HERC1: variants seen among roughly 807,000 people sequenced by gnomAD.
HERC1 encodes probable E3 ubiquitin-protein ligase HERC1.
In HERC1, 160 loss-of-function variants were observed where a neutral mutation model predicts 554.3. The observed-to-expected ratio is 0.29, with a 90% CI of 0.25 to 0.33. The LOEUF (loss-of-function observed/expected upper bound fraction) is 0.33, where lower values mean the gene tolerates loss of function less well. Ranked by LOEUF, HERC1 falls within the 10% of genes least tolerant of loss-of-function variation. HERC1 has a pLI of 1.00. For missense variants in HERC1, 4,919 were observed against 5,918.5 expected (o/e 0.83, Z 5.54); for synonymous variants, 2,175 against 2,131.7 (o/e 1.02, Z -0.56).
At chr15:63,609,871 G>A (rs796512426) in intron 77 of HERC1, among the ~76,000 whole-genome samples, 62 of 152,266 alleles carry the variant, frequency 4.1e-4, no homozygotes, top group African/African-American at 1.4e-3. Context: ...TGATAATTAT[G>A]ATGACTGGCA....
intron 42 of HERC1, 58 bp downstream of exon 42, chr15:63,665,861 A>G (rs2152948107): frequency 1.6e-6 from 2 of 1,273,958 alleles, no homozygotes; most frequent in Non-Finnish European, 2.2e-6. Context: ...GATATATAAT[A>G]AATGGGGCTT....
At chr15:63,739,194 A>ATATAT (rs1567071803) in intron 12 of HERC1, among the ~76,000 whole-genome samples, 4 of 50,640 alleles carry the variant, frequency 7.9e-5, no homozygotes, top group African/African-American at 2.7e-4. Flanking sequence ...CCACTAATAT[A>ATATAT]CTTTTTTTTT....
At chr15:63,824,617 C>T (rs2077821765) in intron 1 of HERC1, among the ~76,000 whole-genome samples, 2 of 151,936 alleles carry the variant, frequency 1.3e-5, no homozygotes, top group Non-Finnish European at 2.9e-5. Flanking sequence ...GAAATAAAAG[C>T]AGCACCTCTG....
chr15:63,692,623 T>G lies in HERC1; in HGVS notation c.5675-57A>C. ...CAAGAGCCAACAAGAAATAGTCTTA[T>G]ATCACATAATTTACCTTGAAACTGC... On this transcript the variant is annotated intron_variant, in intron 30 of 77. Coordinates refer to ENST00000443617, the MANE Select transcript of HERC1 (RefSeq NM_003922.4). This position sits in a 1 kb window ranked among gnomAD's most constrained non-coding sequence, Gnocchi z 4.7. 7.0e-7 allele frequency: 1 copy of G among 1,424,266 alleles called. No homozygotes were observed. The highest frequency in any genetic ancestry group is 1.5e-5 in the South Asian group (1 of 68,642). 88.2% of individuals were successfully genotyped at this position (1,424,266 alleles called of 1,614,324 possible).
chr15:63,684,649 A>G (rs1001430409), intron 34 of HERC1, among the ~76,000 whole-genome samples: 1 of 152,206 alleles, frequency 6.6e-6, no homozygotes, highest in Non-Finnish European at 1.5e-5. Context: ...AGGAGTCGGG[A>G]GGGCATTAAT....
rs2068500172 is a variant in HERC1 at position 63,630,502 on chromosome 15, T to C, written c.12930A>G (p.Gly4310=). The C allele has an allele frequency of 1.2e-6, 2 of 1,613,916 alleles. No individual in the cohort carries two copies. The highest frequency in any genetic ancestry group is 1.7e-6 in the Non-Finnish European group (2 of 1,179,856). The stretch of plus-strand genomic sequence containing the variant: ...AATTGCTCCCCCAGGCATACACATC[T>C]CCATTTGATGCCAAAGCAAGTGTGT... ...AEHTLALASN[G]DVYAWGSNSE... Residue 4310 remains glycine (G), a synonymous_variant, in exon 69 of 78, where the codon GGA becomes GGG. Transcript: ENST00000443617.
Position 63,614,711 on chromosome 15 carries a change from A to AAAGAACCATTT in HERC1, c.14094+1046_14094+1056dup, listed in dbSNP as rs565375500. 3.9e-5 allele frequency among the ~76,000 whole-genome samples: 6 copies of AAAGAACCATTT among 152,358 alleles called. No individual in the cohort carries two copies. The East Asian group carries it at 1.2e-3, about 29-fold the overall frequency. ...AATGCTATTAATGACTGTATTATCA[A>AAAGAACCATTT]AAGAACCATTTTTGGACACCATATT... is the stretch of plus-strand genomic sequence containing the variant. On this transcript the variant is annotated intron_variant, in intron 76 of 77. Transcript: ENST00000443617.
In HERC1 at chr15:63,733,004, C is replaced by G; in HGVS notation, c.2788G>C (p.Gly930Arg). The change falls in exon 14 of 78, where the codon GGC (glycine) becomes CGC (arginine). Residue 930 changes from glycine to arginine, a missense_variant. This residue lies in a region of HERC1 where 744 missense variants were observed against 1,090.0 expected (regional missense o/e 0.68). Transcript: ENST00000443617. ...GYGNLSDQPY[G>R]TQSCHPDTHL... ...GTATCTGGATGGCAGCTCTGAGTGC[C>G]GTAAGGTTGATCTGACAGATTTCCG... The G allele has an allele frequency of 6.2e-7, 1 of 1,613,756 alleles. No homozygotes were observed. The highest frequency in any genetic ancestry group is 1.1e-5 in the South Asian group (1 of 91,060).
chr15:63,736,515 T>C (rs2074510880), intron 12 of HERC1, among the ~76,000 whole-genome samples: 3 of 152,156 alleles, frequency 2.0e-5, no homozygotes, highest in Non-Finnish European at 2.9e-5. Flanking sequence ...CCCTAAAATA[T>C]AGCCCAGTCA....
chr15:63,625,110 C>G (rs2068243491), intron 71 of HERC1, among the ~76,000 whole-genome samples: 1 of 152,120 alleles, frequency 6.6e-6, no homozygotes, highest in Non-Finnish European at 1.5e-5. Flanking sequence ...AGTGATTTGT[C>G]AAATCTCACG....
rs143435104 is a variant in HERC1, at chr15:63,725,361, G to C, written c.3499C>G (p.Gln1167Glu). The change falls in exon 18 of 78, where the codon CAG becomes GAG. Residue 1167 changes from glutamine to glutamate, a missense_variant. Physicochemically the swap from Gln to Glu is conservative, Grantham distance 29 (BLOSUM62 2). This residue lies in a region of HERC1 where 1,121 missense variants were observed against 1,244.0 expected (regional missense o/e 0.90). Transcript: ENST00000443617. ...LQGSPVSPEE[Q>E]DTAYWMKTPL... ...GTTTTCATCCAATATGCAGTGTCCT[G>C]TTCCTCTGGAGACACAGGGGAGCCC... is the stretch of plus-strand genomic sequence containing the variant. 47 of 1,613,890 alleles carry C rather than the reference G, an allele frequency of 2.9e-5. No homozygotes were observed. In the East Asian group the frequency reaches 1.0e-3, roughly 35 times the overall value.
intron 3 of HERC1, among the ~76,000 whole-genome samples, chr15:63,763,448 G>T (rs1697338093): frequency 6.6e-6 from 1 of 152,068 alleles, no homozygotes; most frequent in South Asian, 2.1e-4. Flanking sequence ...TGCATCATGA[G>T]TAATCTATCA....
At chr15:63,817,852 C>T (rs1283248950) in intron 1 of HERC1, among the ~76,000 whole-genome samples, 3 of 151,902 alleles carry the variant, frequency 2.0e-5, no homozygotes, top group Non-Finnish European at 4.4e-5. Flanking sequence ...ATACTATTCC[C>T]TCTACTTTTA....
At chr15:63,696,992 G>A (rs2072455554) in intron 26 of HERC1, among the ~76,000 whole-genome samples, 1 of 150,290 alleles carries the variant, frequency 6.7e-6, no homozygotes, top group Non-Finnish European at 1.5e-5. Flanking sequence ...AAGTTGTAAA[G>A]ATGGTACAGA....
At chr15:63,703,696 G>C (rs1378512734) in intron 25 of HERC1, among the ~76,000 whole-genome samples, 1 of 152,006 alleles carries the variant, frequency 6.6e-6, no homozygotes, top group Non-Finnish European at 1.5e-5. Flanking sequence ...ACCAGACTGA[G>C]CAACATGGCG....
chr15:63,651,423 T>A, intron 52 of HERC1, 43 bp from the exon 53 acceptor site: 3 of 1,574,112 alleles, frequency 1.9e-6, no homozygotes, highest in Non-Finnish European at 2.6e-6. Context: ...TCCCCATCAT[T>A]CAAAAGTAAA....
intron 58 of HERC1, 95 bp downstream of exon 58, chr15:63,643,309 T>A: frequency 9.1e-7 from 1 of 1,094,654 alleles, no homozygotes. Context: ...GAGATTACTA[T>A]ATAAAATGTT....
In HERC1 at chr15:63,733,023, A is replaced by G; in HGVS notation, c.2769T>C (p.Asn923=). The change falls in exon 14 of 78, where the codon AAT becomes AAC. Residue 923 remains asparagine (N), a synonymous_variant. Transcript: ENST00000443617. ...DLSSVCTGYG[N]LSDQPYGTQS... is the part of the protein sequence containing the mutation. ...GAGTGCCGTAAGGTTGATCTGACAG[A>G]TTTCCGTAGCCAGTACACACAGAAG... 6.2e-7 allele frequency: 1 copy of G among 1,613,964 alleles called. No individual in the cohort carries two copies. Among genetic ancestry groups the G allele is most frequent in the South Asian group, 1.1e-5 (1 of 91,086 alleles).
Position 63,740,704 on chromosome 15 carries a change from G to C in HERC1, c.2521-5855C>G, listed in dbSNP as rs781264004. Among the ~76,000 whole-genome samples, 4 of 152,184 alleles carry C rather than the reference G, an allele frequency of 2.6e-5. No homozygotes were observed. In the East Asian group the frequency reaches 7.7e-4, roughly 29 times the overall value. ...TTGAACATTTTTTCATGTGTTTACTGGCTATTTTTTCTCTTCTCTAGAGAT... is the reference window on the plus strand; with the variant it reads ...TTGAACATTTTTTCATGTGTTTACTCGCTATTTTTTCTCTTCTCTAGAGAT... On this transcript the variant is annotated intron_variant, in intron 12 of 77. Coordinates refer to ENST00000443617, the MANE Select transcript of HERC1 (RefSeq NM_003922.4).
Sources: gnomAD v4.1 joint callset for allele counts (sites outside exome capture counted in the v4.1 genomes callset) on GRCh38, gnomAD v4.1.1 for gene constraint, gnomAD v4.1.1 regional missense constraint, Gnocchi (gnomAD v3.1) non-coding constraint, MANE v1.5 for transcripts, NCBI Gene and HGNC (gene_info 2026-07-23, HGNC 2026-07-21) for gene names.